The following PCDHGB1 variants were observed in gnomAD, a reference collection of about 807,000 sequenced individuals.
PCDHGB1 encodes the protein protocadherin gamma-B1.
A neutral mutation model predicts 56.6 loss-of-function variants in PCDHGB1; 34 were observed. The ratio of observed to expected loss-of-function variants is 0.60; its 90% CI spans 0.46 to 0.80. PCDHGB1 has a LOEUF of 0.80. Ranked by LOEUF, PCDHGB1 falls within the 30% of genes least tolerant of loss-of-function variation. PCDHGB1 has a pLI of 0.00. For missense variants in PCDHGB1, 1,278 were observed against 1,204.6 expected (o/e 1.06, Z -0.90); for synonymous variants, 561 against 505.9 (o/e 1.11, Z -1.46).
chr5:141,355,655 T>A (rs900163276), intron 1 of PCDHGB1: 13 of 1,613,964 alleles, frequency 8.1e-6, no homozygotes, highest in African/African-American at 1.3e-5. Context: ...GGGGCAAGAT[T>A]TCCTCTTCCT....
intron 1 of PCDHGB1, chr5:141,413,772 A>G: frequency 1.9e-6 from 3 of 1,613,226 alleles, no homozygotes; most frequent in Non-Finnish European, 2.5e-6. Context: ...CGGAGCTGGT[A>G]CTGGAGCACT....
intron 1 of PCDHGB1, chr5:141,387,860 G>T: frequency 6.3e-7 from 1 of 1,593,236 alleles, no homozygotes; most frequent in Non-Finnish European, 8.5e-7. Flanking sequence ...CCAGGCTGGT[G>T]AGCAAGCTGA....
intron 1 of PCDHGB1, chr5:141,364,858 G>C (rs199575653): frequency 6.2e-7 from 1 of 1,614,006 alleles, no homozygotes; most frequent in African/African-American, 1.3e-5. Context: ...GCTCCAATCT[G>C]CACTTCTCTC....
chr5:141,413,541 GATAGAA>G (rs2095653692), intron 1 of PCDHGB1: 1 of 1,613,904 alleles, frequency 6.2e-7, no homozygotes, highest in Non-Finnish European at 8.5e-7. Flanking sequence ...AACTTTTTGG[GATAGAA>G]ATAGAAGTAA....
chr5:141,437,664 A>G (rs10035418), intron 1 of PCDHGB1, among the ~76,000 whole-genome samples: 45,525 of 151,942 alleles, frequency 0.3, 8,040 homozygotes, highest in African/African-American at 0.5. Context: ...AGTTTCGAAG[A>G]GATGTTGATC....
chr5:141,403,754 G>A (rs2094451238), intron 1 of PCDHGB1: 1 of 1,613,768 alleles, frequency 6.2e-7, no homozygotes, highest in African/African-American at 1.3e-5. Flanking sequence ...AACAGCCAGC[G>A]ACCTGGATGA....
chr5:141,408,174 C>T, intron 1 of PCDHGB1: 3 of 1,531,244 alleles, frequency 2.0e-6, no homozygotes, highest in Non-Finnish European at 1.8e-6. Flanking sequence ...ACTGGAAAAG[C>T]GGGGACCCAG....
intron 1 of PCDHGB1, among the ~76,000 whole-genome samples, chr5:141,447,279 A>G (rs1394174534): frequency 1.3e-5 from 2 of 152,156 alleles, no homozygotes; most frequent in African/African-American, 4.8e-5. Flanking sequence ...AGCTGGGACT[A>G]CAGGCACATG....
chr5:141,390,416 T>A, intron 1 of PCDHGB1: 2 of 1,124,674 alleles, frequency 1.8e-6, no homozygotes, highest in Non-Finnish European at 2.5e-6. Context: ...TGTAGTCAGT[T>A]AAAAAGCTGT....
intron 1 of PCDHGB1, chr5:141,398,997 G>A: frequency 6.2e-7 from 1 of 1,613,934 alleles, no homozygotes; most frequent in Non-Finnish European, 8.5e-7. Flanking sequence ...TCTTTAGTCT[G>A]AATTCAAAGA....
At chr5:141,457,175 A>C (rs1447297536) in intron 1 of PCDHGB1, among the ~76,000 whole-genome samples, 2 of 152,192 alleles carry the variant, frequency 1.3e-5, no homozygotes, top group Non-Finnish European at 2.9e-5. Flanking sequence ...ACCCTATTGC[A>C]AATAGTAGAG....
chr5:141,478,711 T>C, intron 1 of PCDHGB1: 3 of 1,547,346 alleles, frequency 1.9e-6, no homozygotes, highest in Non-Finnish European at 1.7e-6. Flanking sequence ...CTTTGTGAGA[T>C]GGTGGCCTGC....
Position 141,400,678 on chromosome 5 carries a change from T to A in PCDHGB1, c.2409+48009T>A. ...ACCATTCTTTAAGAGGAGCAGTAAA[T>A]TGTGAGTTTTTATGTCGCATAAAAG... On this transcript the variant is annotated intron_variant, in intron 1 of 3. Coordinates refer to ENST00000523390, the MANE Select transcript of PCDHGB1 (RefSeq NM_018922.3). 4.5e-6 allele frequency: 4 copies of A among 882,002 alleles called. No homozygotes were observed. In the South Asian group the frequency reaches 6.9e-5, roughly 15 times the overall value. The allele number at this position is 882,002 out of a possible 1,614,324, so 54.6% of individuals were successfully genotyped here.
chr5:141,427,960 G>A, intron 1 of PCDHGB1: 2 of 1,589,168 alleles, frequency 1.3e-6, no homozygotes, highest in East Asian at 2.2e-5. Context: ...AATGTGCCGC[G>A]GGTGCTGTAC....
At chr5:141,413,023 A>T in intron 1 of PCDHGB1, 1 of 729,646 alleles carries the variant, frequency 1.4e-6, no homozygotes, top group Non-Finnish European at 2.1e-6. Context: ...CACAAGCCCC[A>T]CAAACCGGCT....
In PCDHGB1 at chr5:141,387,468, A is replaced by G. The variant is rs190489292; in HGVS notation, c.2409+34799A>G. On this transcript the variant is annotated intron_variant, in intron 1 of 3. Transcript: ENST00000523390. ...TACATGATTTGCCTAAAAATCCTCA[A>G]AGTTGGGATGAAGGCATTCCTAAGA... Among the ~76,000 whole-genome samples the G allele has an allele frequency of 3.6e-3, 554 of 152,350 alleles. 1 individual carries two copies. Among genetic ancestry groups the G allele is most frequent in the Non-Finnish European group, 6.0e-3 (405 of 68,034 alleles).
At chr5:141,376,632 T>G (rs1399941658) in intron 1 of PCDHGB1, 5 of 1,296,946 alleles carry the variant, frequency 3.9e-6, no homozygotes, top group Non-Finnish European at 5.2e-6. Flanking sequence ...GGAAGATTCG[T>G]GATTTTGTAA....
intron 1 of PCDHGB1, among the ~76,000 whole-genome samples, chr5:141,462,650 TC>T (rs1254671361): frequency 7.3e-6 from 1 of 137,262 alleles, no homozygotes; most frequent in African/African-American, 3.0e-5. Context: ...ATTTCCATCC[TC>T]AATTATCTTC....
chr5:141,362,447 C>T (rs769703158), intron 1 of PCDHGB1: 1 of 1,614,048 alleles, frequency 6.2e-7, no homozygotes, highest in Non-Finnish European at 8.5e-7. Flanking sequence ...CTGAACATAA[C>T]CCCGGAATTG....
Sources: allele counts gnomAD v4.1 joint callset (sites outside exome capture counted in the v4.1 genomes callset), GRCh38; gene constraint gnomAD v4.1.1; transcripts MANE v1.5; gene names NCBI Gene and HGNC (gene_info 2026-07-23, HGNC 2026-07-21).